The following CERKL variants were observed in gnomAD, a reference collection of about 807,000 sequenced individuals.
The protein encoded by CERKL is ceramide kinase-like protein.
A neutral mutation model predicts 63.4 loss-of-function variants in CERKL; 61 were observed. That is an observed-to-expected ratio of 0.96 (90% CI 0.78 to 1.19). The LOEUF is 1.19. Ranked by LOEUF, CERKL falls within the 50% of genes most tolerant of loss-of-function variation. The pLI is 0.00. For missense variants in CERKL, 675 were observed against 655.5 expected, an observed-to-expected ratio of 1.03 and a Z score of -0.33; for synonymous variants, 250 against 230.5, an observed-to-expected ratio of 1.08 and a Z score of -0.77.
At chr2:181,554,621 C>G (rs545213595) in intron 5 of CERKL, among the ~76,000 whole-genome samples, 22 of 152,248 alleles carry the variant, frequency 1.4e-4, no homozygotes, top group Admixed American at 1.1e-3. Flanking sequence ...CCCATAGCAA[C>G]AAACACCATT....
chr2:181,616,667 A>G (rs1431271766), intron 1 of CERKL, among the ~76,000 whole-genome samples: 1 of 152,178 alleles, frequency 6.6e-6, no homozygotes, highest in East Asian at 1.9e-4. Flanking sequence ...AAAGAACAGT[A>G]TAATAGAAAT....
At chr2:181,654,399 G>A (rs377370867) in intron 1 of CERKL, among the ~76,000 whole-genome samples, 191 of 152,256 alleles carry the variant, frequency 1.3e-3, no homozygotes, top group African/African-American at 4.5e-3. Context: ...ATACATTAAT[G>A]TCTTTGCTTA....
At chr2:181,556,388 C>T (rs1039404953) in intron 5 of CERKL, among the ~76,000 whole-genome samples, 8 of 151,960 alleles carry the variant, frequency 5.3e-5, no homozygotes, top group Non-Finnish European at 8.8e-5. Flanking sequence ...GTTATCCCTC[C>T]CCACCTTCCC....
At chr2:181,576,746 G>C (rs559668633) in intron 2 of CERKL, among the ~76,000 whole-genome samples, 1 of 152,372 alleles carries the variant, frequency 6.6e-6, no homozygotes, top group Admixed American at 6.5e-5. Flanking sequence ...AGTGACTGCA[G>C]TGGAGGTTAA....
intron 3 of CERKL, among the ~76,000 whole-genome samples, chr2:181,569,662 T>C (rs1038606538): frequency 2.0e-5 from 3 of 152,110 alleles, no homozygotes; most frequent in African/African-American, 7.2e-5. Flanking sequence ...TCTTTGAGTA[T>C]GATAATGATA....
chr2:181,653,416 C>A (rs923159214), intron 1 of CERKL, among the ~76,000 whole-genome samples: 1 of 152,112 alleles, frequency 6.6e-6, no homozygotes, highest in Non-Finnish European at 1.5e-5. Context: ...AGGTATGCAT[C>A]CAAAGGAAAT....
chr2:181,613,217 T>TG (rs1315186700), intron 1 of CERKL, among the ~76,000 whole-genome samples: 1 of 152,218 alleles, frequency 6.6e-6, no homozygotes, highest in Non-Finnish European at 1.5e-5. Context: ...TCTATAAGTT[T>TG]GACTTTTTTG....
At chr2:181,583,303 C>A (rs752984960) in intron 2 of CERKL, among the ~76,000 whole-genome samples, 21 of 152,136 alleles carry the variant, frequency 1.4e-4, no homozygotes, top group Non-Finnish European at 2.8e-4. Flanking sequence ...CCTACCCACC[C>A]CCCAACTCAA....
At chr2:181,576,963 A>C (rs59907982) in intron 2 of CERKL, among the ~76,000 whole-genome samples, 1 of 151,994 alleles carries the variant, frequency 6.6e-6, no homozygotes, top group Non-Finnish European at 1.5e-5. Flanking sequence ...GACAATAACA[A>C]GATCTAAGGA....
At chr2:181,656,693 C>T in intron 1 of CERKL, 76 bp downstream of exon 1, 4 of 1,245,588 alleles carry the variant, frequency 3.2e-6, no homozygotes, top group Non-Finnish European at 4.4e-6. Flanking sequence ...AGCAAAAGCT[C>T]GTGGGTGTAG....
At chr2:181,564,111 C>G (rs1056872335) in intron 4 of CERKL, among the ~76,000 whole-genome samples, 1 of 152,116 alleles carries the variant, frequency 6.6e-6, no homozygotes, top group South Asian at 2.1e-4. Context: ...GTGCCCAGTT[C>G]ACAATAGGGT....
intron 3 of CERKL, 30 bp downstream of exon 3, chr2:181,573,723 T>C (rs1298178956): frequency 6.2e-7 from 1 of 1,600,498 alleles, no homozygotes; most frequent in Non-Finnish European, 8.6e-7. Flanking sequence ...TTTTTGTAGA[T>C]GGTGAAATTA....
At chr2:181,595,318 A>C (rs576537051) in intron 2 of CERKL, among the ~76,000 whole-genome samples, 2 of 152,276 alleles carry the variant, frequency 1.3e-5, no homozygotes, top group African/African-American at 4.8e-5. Context: ...AACAGTCATG[A>C]GGAAACTTTT....
intron 2 of CERKL, among the ~76,000 whole-genome samples, chr2:181,577,144 C>A (rs552724914): frequency 1.3e-5 from 2 of 152,270 alleles, no homozygotes; most frequent in African/African-American, 4.8e-5. Context: ...TGAGAACCAA[C>A]ATTCTAGAAA....
intron 1 of CERKL, among the ~76,000 whole-genome samples, chr2:181,623,396 C>A (rs1686541947): frequency 6.6e-6 from 1 of 152,152 alleles, no homozygotes; most frequent in South Asian, 2.1e-4. Context: ...CATGACTCAT[C>A]CATTAAGTAT....
chr2:181,564,002 G>A (rs1220563551), intron 4 of CERKL, among the ~76,000 whole-genome samples: 1 of 152,046 alleles, frequency 6.6e-6, no homozygotes, highest in East Asian at 1.9e-4. Flanking sequence ...GAGACGGATG[G>A]TTTCAGGATG....
intron 1 of CERKL, among the ~76,000 whole-genome samples, chr2:181,610,099 A>G (rs1307084715): frequency 3.3e-5 from 5 of 152,192 alleles, no homozygotes; most frequent in African/African-American, 1.2e-4. Context: ...GTCATAAGCA[A>G]AGGCCAAATG....
Position 181,536,767 on chromosome 2 carries a change from C to T in CERKL, c.*1417G>A, listed in dbSNP as rs561165359. ...GGATTTTAAAAAATTTCTTTAAATA[C>T]AATCATTTTTGTAATATTTATTTTA... On this transcript the variant is annotated 3_prime_UTR_variant, in exon 13 of 13. Transcript: ENST00000410087. 2 of 240,672 alleles carry T rather than the reference C, an allele frequency of 8.3e-6. No individual in the cohort carries two copies. The highest frequency in any genetic ancestry group is 1.7e-5 in the Non-Finnish European group (2 of 119,312). 14.9% of individuals were successfully genotyped at this position (240,672 alleles called of 1,614,324 possible).
chr2:181,576,611 T>A (rs1437945465), intron 2 of CERKL, among the ~76,000 whole-genome samples: 2 of 152,176 alleles, frequency 1.3e-5, no homozygotes, highest in African/African-American at 2.4e-5. Context: ...AATGAAGCCA[T>A]ATAACCTTAG....
Sources: allele counts gnomAD v4.1 joint callset (sites outside exome capture counted in the v4.1 genomes callset), GRCh38; gene constraint gnomAD v4.1.1; transcripts MANE v1.5; gene names NCBI Gene and HGNC (gene_info 2026-07-23, HGNC 2026-07-21).